Variants in ZC3H4 observed in about 807,000 individuals in gnomAD.
ZC3H4 encodes zinc finger CCCH-type containing 4, also known as zinc finger CCCH domain-containing protein 4.
ZC3H4 carries 13 observed loss-of-function variants against 108.3 expected under a neutral mutation model. The ratio of observed to expected loss-of-function variants is 0.12; its 90% CI spans 0.08 to 0.19. ZC3H4 has a LOEUF of 0.19. Ranked by LOEUF, ZC3H4 falls within the 10% of genes least tolerant of loss-of-function variation. The pLI, the probability that ZC3H4 is intolerant of heterozygous loss-of-function variation, is 1.00. For synonymous variants in ZC3H4, 917 were observed against 749.6 expected (o/e 1.22, Z -3.65); for missense variants, 1,734 against 1,838.8 (o/e 0.94, Z 1.04).
At chr19:47,091,705 G>A (rs1359074128) in intron 4 of ZC3H4, among the ~76,000 whole-genome samples, 1 of 150,972 alleles carries the variant, frequency 6.6e-6, no homozygotes, top group Non-Finnish European at 1.5e-5. Flanking sequence ...GGCCAACATA[G>A]TGAAACCCCG....
At chr19:47,087,068 G>C (rs2057642171) in intron 5 of ZC3H4, among the ~76,000 whole-genome samples, 1 of 152,036 alleles carries the variant, frequency 6.6e-6, no homozygotes, top group Non-Finnish European at 1.5e-5. Flanking sequence ...CTTAGGTCAG[G>C]AGTTTGAGAC....
At chr19:47,095,528 C>T (rs1356306991) in intron 2 of ZC3H4, among the ~76,000 whole-genome samples, 1 of 152,178 alleles carries the variant, frequency 6.6e-6, no homozygotes, top group Non-Finnish European at 1.5e-5. Flanking sequence ...GCTCCCCATC[C>T]TACACTCTTC....
chr19:47,081,663 GC>G (rs1259524449), intron 10 of ZC3H4, 41 bp from the exon 11 acceptor site: 1 of 1,536,014 alleles, frequency 6.5e-7, no homozygotes, highest in Non-Finnish European at 9.0e-7. Context: ...CTCACAGAAC[GC>G]CCCCCTCCCC....
chr19:47,113,702 A>AG lies in ZC3H4; in HGVS notation c.-6+17dup, dbSNP rs2058067871. Reference sequence around the variant, plus strand: ...GAGGGAAGGAATTCAGGCTACGGAGAGGGAAAAAAAAAATAACCGAAAGCT... The same window carrying AG: ...GAGGGAAGGAATTCAGGCTACGGAGAGGGGAAAAAAAAAATAACCGAAAGCT... On this transcript the variant is annotated intron_variant, in intron 1 of 14. Coordinates refer to ENST00000253048, the MANE Select transcript of ZC3H4 (RefSeq NM_015168.2). 1 of 151,798 alleles carries AG rather than the reference A, an allele frequency of 6.6e-6. No individual in the cohort carries two copies. Among genetic ancestry groups the AG allele is most frequent in the Non-Finnish European group, 1.5e-5 (1 of 67,868 alleles). The allele number at this position is 151,798 out of a possible 1,614,324, so 9.4% of individuals were successfully genotyped here.
chr19:47,073,834 A>C (rs184742114), intron 11 of ZC3H4, among the ~76,000 whole-genome samples: 1 of 152,312 alleles, frequency 6.6e-6, no homozygotes, highest in East Asian at 1.9e-4. Flanking sequence ...CACTTAGCAA[A>C]GTGCATCTAT....
intron 11 of ZC3H4, among the ~76,000 whole-genome samples, chr19:47,079,637 C>T (rs1423882939): frequency 6.6e-6 from 1 of 152,180 alleles, no homozygotes; most frequent in Non-Finnish European, 1.5e-5. Flanking sequence ...GTGGCTCACA[C>T]TTGTAATCCC....
chr19:47,086,158 C>T (rs1006831652), intron 6 of ZC3H4, among the ~76,000 whole-genome samples: 52 of 152,162 alleles, frequency 3.4e-4, no homozygotes, highest in Admixed American at 7.9e-4. Flanking sequence ...TGAGCCACCG[C>T]GCCCAGCCGA....
intron 2 of ZC3H4, among the ~76,000 whole-genome samples, chr19:47,108,431 G>A (rs1040066849): frequency 6.6e-6 from 1 of 152,098 alleles, no homozygotes; most frequent in South Asian, 2.1e-4. Flanking sequence ...AGGCCCAATA[G>A]CCATAAAAAT....
chr19:47,064,713 T>C lies in ZC3H4; in HGVS notation c.*1643A>G, dbSNP rs1303081700. 1 of 121,798 alleles carries C rather than the reference T, an allele frequency of 8.2e-6. No individual in the cohort carries two copies. The highest frequency in any genetic ancestry group is 1.7e-5 in the Non-Finnish European group (1 of 59,292). The allele number at this position is 121,798 out of a possible 1,614,324, so 7.5% of individuals were successfully genotyped here. ...GGTGGCTGAAGACAAATCTCATTAATGATTGTGTAAAAAAAAAAAAAAAAA... is the reference window on the plus strand; with the variant it reads ...GGTGGCTGAAGACAAATCTCATTAACGATTGTGTAAAAAAAAAAAAAAAAA... On this transcript the variant is annotated 3_prime_UTR_variant, in exon 15 of 15. Coordinates refer to ENST00000253048, the MANE Select transcript of ZC3H4 (RefSeq NM_015168.2).
intron 9 of ZC3H4, among the ~76,000 whole-genome samples, chr19:47,083,857 G>A (rs1398621344): frequency 6.6e-6 from 1 of 152,180 alleles, no homozygotes; most frequent in Non-Finnish European, 1.5e-5. Flanking sequence ...GCTGCCGGCT[G>A]AACTAATACT....
At chr19:47,095,386 C>T (rs945387728) in intron 2 of ZC3H4, among the ~76,000 whole-genome samples, 3 of 152,214 alleles carry the variant, frequency 2.0e-5, no homozygotes, top group African/African-American at 7.2e-5. Context: ...ACCTCTAGGC[C>T]GGAGGCAAGC....
At chr19:47,077,758 G>A (rs138753258) in intron 11 of ZC3H4, among the ~76,000 whole-genome samples, 28,802 of 151,624 alleles carry the variant, frequency 0.19, 3,621 homozygotes, top group Non-Finnish European at 0.29. Flanking sequence ...TCAGGAGGCT[G>A]AGGCAGGAGA....
intron 2 of ZC3H4, among the ~76,000 whole-genome samples, chr19:47,097,915 G>T (rs961499962): frequency 1.1e-4 from 17 of 152,190 alleles, no homozygotes; most frequent in African/African-American, 3.9e-4. Context: ...TCGGTCCGCT[G>T]CCCAGAGCCC....
At chr19:47,109,752 G>A (rs1426067110) in intron 2 of ZC3H4, among the ~76,000 whole-genome samples, 1 of 152,008 alleles carries the variant, frequency 6.6e-6, no homozygotes, top group Non-Finnish European at 1.5e-5. Flanking sequence ...TTGTAAGAAG[G>A]AAAAAAACAA....
Position 47,090,783 on chromosome 19 carries a change from C to G in ZC3H4, c.493-594G>C, listed in dbSNP as rs149339924. On this transcript the variant is annotated intron_variant, in intron 4 of 14. Coordinates refer to ENST00000253048, the MANE Select transcript of ZC3H4 (RefSeq NM_015168.2). ...CAATAAAGTGTGTATTGGGCAAAAC[C>G]CAGAGAACTATACAACCCTAAGTAA... Among the ~76,000 whole-genome samples the G allele has an allele frequency of 6.3e-3, 963 of 152,172 alleles. 6 individuals carry two copies. Among genetic ancestry groups the G allele is most frequent in the African/African-American group, 0.022 (920 of 41,514 alleles).
chr19:47,068,966 G>GA (rs765740387), intron 14 of ZC3H4, 126 bp downstream of exon 14: 39 of 1,538,182 alleles, frequency 2.5e-5, no homozygotes, highest in Non-Finnish European at 3.1e-5. Context: ...CATGGCCCTG[G>GA]ACAGGGGTCC....
rs367603858 is a variant in ZC3H4, at chr19:47,067,508, C to T, written c.2760G>A (p.Pro920=). 1.1e-5 allele frequency: 18 copies of T among 1,585,392 alleles called. No individual in the cohort carries two copies. The highest frequency in any genetic ancestry group is 1.7e-4 in the Middle Eastern group (1 of 5,926). ...CCCCTTCCTCCTCCTCCGTTGGGGG[C>T]GGCCCAGACCCCTTGGAACTGCTGG... ...VGPSSSKGSG[P]PPTEEEEGER... is the part of the protein sequence containing the mutation. Residue 920 remains proline, a synonymous_variant, in exon 15 of 15, where the codon CCG becomes CCA. Coordinates refer to ENST00000253048, the MANE Select transcript of ZC3H4 (RefSeq NM_015168.2). This position sits in a 1 kb window ranked among gnomAD's most constrained non-coding sequence, Gnocchi z 6.4.
At chr19:47,069,004 GGAAAC>G in intron 14 of ZC3H4, 83 bp downstream of exon 14, 1 of 1,582,018 alleles carries the variant, frequency 6.3e-7, no homozygotes, top group Non-Finnish European at 8.5e-7. Context: ...CTTCCTGACA[GGAAAC>G]CCAACCTGGA....
Position 47,086,398 on chromosome 19 carries a change from C to G in ZC3H4, c.856G>C (p.Glu286Gln), listed in dbSNP as rs201516068. The change falls in exon 6 of 15, where the codon GAG becomes CAG. Residue 286 changes from glutamate to glutamine, a missense_variant. This residue lies in a region of ZC3H4 where 403 missense variants were observed against 457.0 expected (regional missense o/e 0.88). Coordinates refer to ENST00000253048, the MANE Select transcript of ZC3H4 (RefSeq NM_015168.2). ...DHPEDEEDFY[E>Q]EEMDYGESEE... Reference sequence around the variant, plus strand: ...GGAAACCTTACGTCCATCTCTTCCTCGTAGAAATCCTCTTCATCCTCCGGG... The same window carrying G: ...GGAAACCTTACGTCCATCTCTTCCTGGTAGAAATCCTCTTCATCCTCCGGG... The G allele has an allele frequency of 6.8e-4, 1,101 of 1,613,582 alleles. 3 individuals carry two copies. The highest frequency in any genetic ancestry group is 3.5e-3 in the Middle Eastern group (21 of 6,062).
Sources: gnomAD v4.1 joint callset for allele counts (sites outside exome capture counted in the v4.1 genomes callset) on GRCh38, gnomAD v4.1.1 for gene constraint, gnomAD v4.1.1 regional missense constraint, Gnocchi (gnomAD v3.1) non-coding constraint, MANE v1.5 for transcripts, NCBI Gene and HGNC (gene_info 2026-07-23, HGNC 2026-07-21) for gene names.